TDRD5: variants seen among roughly 807,000 people sequenced by gnomAD.
TDRD5 encodes the protein tudor domain-containing protein 5.
A neutral mutation model predicts 120.6 loss-of-function variants in TDRD5; 41 were observed. That is an observed-to-expected ratio of 0.34 (90% CI 0.26 to 0.44). The LOEUF is 0.44. Among genes scored for constraint, TDRD5 ranks in the 20% least tolerant of loss-of-function variants. The pLI is 1.00. For synonymous variants in TDRD5, 430 were observed against 433.7 expected, an observed-to-expected ratio of 0.99 and a Z score of 0.11; for missense variants, 1,006 against 1,221.2, an observed-to-expected ratio of 0.82 and a Z score of 2.63.
chr1:179,592,459 C>T, intron 1 of TDRD5, 143 bp from the exon 2 acceptor site: 1 of 641,174 alleles, frequency 1.6e-6, no homozygotes, highest in South Asian at 1.9e-5. Context: ...CACGCGCAAG[C>T]CGCAGGGCAC....
intron 7 of TDRD5, among the ~76,000 whole-genome samples, chr1:179,632,892 G>A (rs1468351080): frequency 6.6e-6 from 1 of 152,120 alleles, no homozygotes; most frequent in East Asian, 1.9e-4. Context: ...CCTTAGACAT[G>A]CTCAGAACAC....
At chr1:179,655,493 TA>T (rs1356001305) in intron 14 of TDRD5, among the ~76,000 whole-genome samples, 3 of 152,244 alleles carry the variant, frequency 2.0e-5, no homozygotes, top group Non-Finnish European at 4.4e-5. Flanking sequence ...TTTGGTGTAC[TA>T]TTCTATCAAC....
intron 2 of TDRD5, 44 bp downstream of exon 2, chr1:179,592,891 A>G: frequency 1.3e-6 from 2 of 1,546,302 alleles, no homozygotes; most frequent in Non-Finnish European, 1.8e-6. Flanking sequence ...TGTAATAAAA[A>G]CAATTGCTTA....
intron 4 of TDRD5, among the ~76,000 whole-genome samples, chr1:179,598,148 T>C (rs540247750): frequency 6.6e-6 from 1 of 152,310 alleles, no homozygotes; most frequent in African/African-American, 2.4e-5. Flanking sequence ...CTGAATGCTG[T>C]AGGCAGTTGT....
In TDRD5 at chr1:179,623,510, A is replaced by G. The variant is rs565460875; in HGVS notation, c.972+2419A>G. 6.2e-3 allele frequency among the ~76,000 whole-genome samples: 946 copies of G among 152,260 alleles called. 17 individuals carry two copies. Among genetic ancestry groups the G allele is most frequent in the African/African-American group, 0.022 (910 of 41,562 alleles). ...TATTTGAAGTGGTACAGTAGGACTG[A>G]AAAGGATGTATATTGGTTTTGCTGG... On this transcript the variant is annotated intron_variant, in intron 6 of 17. Transcript: ENST00000444136.
chr1:179,611,755 T>C (rs1676288592), intron 4 of TDRD5, among the ~76,000 whole-genome samples: 1 of 152,198 alleles, frequency 6.6e-6, no homozygotes, highest in African/African-American at 2.4e-5. Flanking sequence ...GTGAGAGAGA[T>C]GCAGATACAC....
At chr1:179,661,549 T>A (rs1439542947) in intron 14 of TDRD5, among the ~76,000 whole-genome samples, 1 of 152,188 alleles carries the variant, frequency 6.6e-6, no homozygotes, top group Non-Finnish European at 1.5e-5. Context: ...TCCTTAATAA[T>A]TTTTTATTAT....
chr1:179,676,376 A>G (rs1464780804), intron 17 of TDRD5, among the ~76,000 whole-genome samples: 2 of 152,162 alleles, frequency 1.3e-5, no homozygotes, highest in African/African-American at 2.4e-5. Flanking sequence ...GATGTGAGGT[A>G]CTATTCTATT....
Position 179,645,512 on chromosome 1 carries a change from T to TACAAAA in TDRD5, c.1800+5068_1800+5069insCAAAAA, listed in dbSNP as rs1678307911. 7.2e-5 allele frequency among the ~76,000 whole-genome samples: 11 copies of TACAAAA among 152,352 alleles called. No homozygotes were observed. The South Asian group carries it at 2.3e-3, about 32-fold the overall frequency. Reference sequence around the variant, plus strand: ...GCAGAGGCTGATAGATGGTCCAGTATAGTGTCACTTTTTGTAAATGGTGGT... The same window carrying TACAAAA: ...GCAGAGGCTGATAGATGGTCCAGTATACAAAAAGTGTCACTTTTTGTAAATGGTGGT... On this transcript the variant is annotated intron_variant, in intron 11 of 17. Transcript: ENST00000444136.
At chr1:179,658,779 C>T (rs936317296) in intron 14 of TDRD5, among the ~76,000 whole-genome samples, 1 of 152,008 alleles carries the variant, frequency 6.6e-6, no homozygotes, top group Non-Finnish European at 1.5e-5. Context: ...TTTTCAAGTT[C>T]GTTGATTTCT....
At chr1:179,596,558 T>A (rs1675400940) in intron 4 of TDRD5, among the ~76,000 whole-genome samples, 1 of 152,230 alleles carries the variant, frequency 6.6e-6, no homozygotes, top group African/African-American at 2.4e-5. Flanking sequence ...TTCATATAAA[T>A]GGAATCAAAC....
intron 6 of TDRD5, among the ~76,000 whole-genome samples, chr1:179,628,498 G>A (rs12098005): frequency 4.7e-5 from 7 of 149,788 alleles, no homozygotes; most frequent in Admixed American, 4.7e-4. Flanking sequence ...TAGAGGCAGA[G>A]TCTCATTATA....
rs1033096541 is a variant in TDRD5, at chr1:179,617,489, G to T, written c.832-1110G>T. On this transcript the variant is annotated intron_variant, in intron 4 of 17. Transcript: ENST00000444136. ...TGAGACCTAAAAGGTTACACAGTTT[G>T]TAAGTAATGTCAGGCCAAGTAAGAG... 3.3e-5 allele frequency among the ~76,000 whole-genome samples: 5 copies of T among 152,082 alleles called. No individual in the cohort carries two copies. In the East Asian group the frequency reaches 7.7e-4, roughly 23 times the overall value.
At position 179,682,607 on chromosome 1, in the gene TDRD5, A is replaced by G. The variant is rs112629994; in HGVS notation, c.2861-8089A>G. ...GGCTGCATAGTATTCCATGGTGTAT[A>G]TGTGTGTTGGCTTAATTTCTTCCCT... is the stretch of plus-strand genomic sequence containing the variant. On this transcript the variant is annotated intron_variant, in intron 17 of 17. Coordinates refer to ENST00000444136, the MANE Select transcript of TDRD5 (RefSeq NM_001199085.3). Among the ~76,000 whole-genome samples the G allele has an allele frequency of 1.2e-3, 182 of 151,660 alleles. 2 individuals are homozygous for G. Among genetic ancestry groups the G allele is most frequent in the African/African-American group, 4.3e-3 (176 of 41,308 alleles).
chr1:179,608,994 G>A (rs10913833), intron 4 of TDRD5, among the ~76,000 whole-genome samples: 1 of 151,904 alleles, frequency 6.6e-6, no homozygotes, highest in Admixed American at 6.6e-5. Context: ...TAGGAGATGG[G>A]GTCTTTAGGA....
intron 14 of TDRD5, among the ~76,000 whole-genome samples, chr1:179,654,803 C>G (rs993785540): frequency 6.6e-6 from 1 of 151,866 alleles, no homozygotes; most frequent in Non-Finnish European, 1.5e-5. Flanking sequence ...AAAATGTGTT[C>G]ATAGTAACCA....
At chr1:179,672,170 G>C (rs1256327840) in intron 17 of TDRD5, among the ~76,000 whole-genome samples, 1 of 152,028 alleles carries the variant, frequency 6.6e-6, no homozygotes, top group Non-Finnish European at 1.5e-5. Context: ...GTAGATCTTA[G>C]CTCTTTAAGG....
chr1:179,640,496 T>C, intron 11 of TDRD5, 51 bp downstream of exon 11: 2 of 1,554,090 alleles, frequency 1.3e-6, no homozygotes, highest in African/African-American at 1.4e-5. Flanking sequence ...GTGCCTATTA[T>C]GTGCCAATAA....
At chr1:179,639,816 C>G in intron 9 of TDRD5, 23 bp from the exon 10 acceptor site, 2 of 1,609,746 alleles carry the variant, frequency 1.2e-6, no homozygotes, top group Non-Finnish European at 1.7e-6. Context: ...CTATGGATTT[C>G]TCTGTATTAT....
Sources: gnomAD v4.1 joint callset for allele counts (sites outside exome capture counted in the v4.1 genomes callset) on GRCh38, gnomAD v4.1.1 for gene constraint, MANE v1.5 for transcripts, NCBI Gene and HGNC (gene_info 2026-07-23, HGNC 2026-07-21) for gene names.